The following KCNH7 variants were observed in gnomAD, a reference collection of about 807,000 sequenced individuals.
KCNH7 encodes the protein potassium voltage-gated channel subfamily H member 7.
KCNH7 carries 49 observed loss-of-function variants against 120.8 expected under a neutral mutation model. The ratio of observed to expected loss-of-function variants is 0.41; its 90% confidence interval spans 0.32 to 0.51. KCNH7 has a LOEUF of 0.51. KCNH7 is among the 20% of genes least tolerant of loss of function. The probability of loss-of-function intolerance (pLI) is 0.38; values close to 1 mark genes in which losing one functional copy is unlikely to be tolerated. For synonymous variants in KCNH7, 547 were observed against 516.1 expected, an observed-to-expected ratio of 1.06 and a Z score of -0.81; for missense variants, 1,097 against 1,446.6, an observed-to-expected ratio of 0.76 and a Z score of 3.92.
intron 2 of KCNH7, among the ~76,000 whole-genome samples, chr2:162,817,833 G>C (rs1247390686): frequency 6.6e-6 from 1 of 151,720 alleles, no homozygotes; most frequent in Non-Finnish European, 1.5e-5. Context: ...ATCTTTCCTT[G>C]GTGGAGTGTC....
intron 2 of KCNH7, among the ~76,000 whole-genome samples, chr2:162,793,533 A>G (rs1684032278): frequency 6.6e-6 from 1 of 152,094 alleles, no homozygotes; most frequent in African/African-American, 2.4e-5. Context: ...CCAAAGAGGT[A>G]AAAAGATCTA....
At chr2:162,441,999 C>CTT (rs779418084) in intron 7 of KCNH7, among the ~76,000 whole-genome samples, 4,307 of 41,302 alleles carry the variant, frequency 0.1, 1,812 homozygotes, top group Middle Eastern at 0.25. Context: ...GTTAGGTCTT[C>CTT]TTTTTTTTTT....
At chr2:162,706,047 G>A (rs1479417516) in intron 2 of KCNH7, among the ~76,000 whole-genome samples, 1 of 152,026 alleles carries the variant, frequency 6.6e-6, no homozygotes, top group African/African-American at 2.4e-5. Flanking sequence ...TGCCCACAGA[G>A]GTACACTTTC....
chr2:162,774,764 A>C (rs1387772687), intron 2 of KCNH7, among the ~76,000 whole-genome samples: 2 of 152,234 alleles, frequency 1.3e-5, no homozygotes, highest in Non-Finnish European at 2.9e-5. Flanking sequence ...CCACTGAAAT[A>C]ATGATTATAA....
At chr2:162,664,725 G>A (rs1482270076) in intron 2 of KCNH7, among the ~76,000 whole-genome samples, 1 of 152,076 alleles carries the variant, frequency 6.6e-6, no homozygotes, top group Non-Finnish European at 1.5e-5. Context: ...AGAAGTATTA[G>A]GTAGGGATGG....
intron 2 of KCNH7, among the ~76,000 whole-genome samples, chr2:162,604,675 A>G (rs573570709): frequency 6.6e-6 from 1 of 152,226 alleles, no homozygotes; most frequent in African/African-American, 2.4e-5. Flanking sequence ...GAAACAGAAG[A>G]GCTAATCTGG....
Position 162,371,852 on chromosome 2 carries a change from C to T in KCNH7, c.3568G>A (p.Asp1190Asn), listed in dbSNP as rs774496305. ...GATTATTTCCCTGGAAGACCAGGATCAGAAACATGCCTATGAAGACCCACG... is the reference window on the plus strand; with the variant it reads ...GATTATTTCCCTGGAAGACCAGGATTAGAAACATGCCTATGAAGACCCACG... The part of the protein sequence containing the change: ...GIVGLHRHVS[D>N]PGLPGK The change falls in exon 16 of 16, where the codon GAT becomes AAT. Residue 1190 changes from aspartate to asparagine, a missense_variant. By Grantham distance (23) the Asp-to-Asn change is conservative. Around this residue, in one of 8 missense-constraint regions of KCNH7, gnomAD observed 406 missense variants for 410.5 expected, o/e 0.99. Coordinates refer to ENST00000332142, the MANE Select transcript of KCNH7 (RefSeq NM_033272.4). The T allele has an allele frequency of 1.5e-5, 24 of 1,609,798 alleles. No individual in the cohort carries two copies. Among genetic ancestry groups the T allele is most frequent in the Non-Finnish European group, 1.9e-5 (22 of 1,176,498 alleles).
chr2:162,401,550 G>A (rs1687064123), intron 9 of KCNH7, among the ~76,000 whole-genome samples: 1 of 151,712 alleles, frequency 6.6e-6, no homozygotes, highest in Non-Finnish European at 1.5e-5. Context: ...GCTCACAGAG[G>A]AACTTCAAAT....
intron 10 of KCNH7, among the ~76,000 whole-genome samples, chr2:162,397,374 G>C (rs2105439042): frequency 6.6e-6 from 1 of 151,924 alleles, no homozygotes; most frequent in South Asian, 2.1e-4. Context: ...TCAGCAAGGG[G>C]TTGTGGTGGA....
intron 2 of KCNH7, among the ~76,000 whole-genome samples, chr2:162,826,630 T>C (rs916740148): frequency 2.0e-5 from 3 of 152,114 alleles, no homozygotes; most frequent in Non-Finnish European, 2.9e-5. Flanking sequence ...AAACACAAGA[T>C]GGTGAATGCA....
chr2:162,710,899 A>G (rs1686904556), intron 2 of KCNH7, among the ~76,000 whole-genome samples: 2 of 152,180 alleles, frequency 1.3e-5, no homozygotes, highest in African/African-American at 4.8e-5. Context: ...TTACAGTTCA[A>G]GCAGAACAGA....
chr2:162,643,528 G>A (rs762518720), intron 2 of KCNH7, among the ~76,000 whole-genome samples: 17 of 151,926 alleles, frequency 1.1e-4, no homozygotes, highest in South Asian at 2.1e-4. Context: ...ATGATTAACC[G>A]CCGGGCGAGG....
intron 2 of KCNH7, among the ~76,000 whole-genome samples, chr2:162,648,376 C>T (rs370178955): frequency 8.3e-4 from 127 of 152,200 alleles, no homozygotes; most frequent in Non-Finnish European, 1.2e-3. Flanking sequence ...AGGGGAAGTC[C>T]GCCCCCATGA....
intron 14 of KCNH7, among the ~76,000 whole-genome samples, chr2:162,373,934 T>C (rs894985888): frequency 1.3e-5 from 2 of 152,194 alleles, no homozygotes; most frequent in East Asian, 3.9e-4. Context: ...CTAACCTTCA[T>C]TGATTTCAAA....
In KCNH7 at chr2:162,517,745, G is replaced by A. The variant is rs767649578; in HGVS notation, c.877C>T (p.Arg293Ter). 6.4e-7 allele frequency: 1 copy of A among 1,553,478 alleles called. No homozygotes were observed. Among genetic ancestry groups the A allele is most frequent in the Non-Finnish European group, 8.8e-7 (1 of 1,142,612 alleles). The change falls in exon 4 of 16, where the codon CGA becomes TGA. Residue 293 changes from arginine to a stop codon, truncating the protein, a stop_gained. Transcript: ENST00000332142. LOFTEE classifies it high-confidence loss of function. The part of the protein sequence containing the change: ...GVHPKNIFRD[R>*]HASEDNGRNV... ...TCAAACATACCTTCGCTGGCATGTC[G>A]GTCTCTAAATATGTTCTTGGGGTGG... is the stretch of plus-strand genomic sequence containing the variant.
At chr2:162,724,488 A>C (rs10190764) in intron 2 of KCNH7, among the ~76,000 whole-genome samples, 47,911 of 149,548 alleles carry the variant, frequency 0.32, 12,713 homozygotes, top group African/African-American at 0.71. Flanking sequence ...CCGGCTAAAA[A>C]GGTGAAACCC....
Position 162,371,448 on chromosome 2 carries a change from A to G in KCNH7, c.*381T>C. 7.1e-6 allele frequency: 9 copies of G among 1,275,358 alleles called. No individual in the cohort carries two copies. The highest frequency in any genetic ancestry group is 7.1e-6 in the Non-Finnish European group (7 of 981,838). 79.0% of individuals were successfully genotyped at this position (1,275,358 alleles called of 1,614,324 possible). ...CTGAATTTGAGTTGCATCCATGAAC[A>G]GTTTTATCCCTTGGTTTCTTATTTG... On this transcript the variant is annotated 3_prime_UTR_variant, in exon 16 of 16. Transcript: ENST00000332142.
chr2:162,516,076 T>A (rs957965269), intron 4 of KCNH7, among the ~76,000 whole-genome samples: 2 of 151,738 alleles, frequency 1.3e-5, no homozygotes, highest in African/African-American at 2.4e-5. Context: ...CAACATCACA[T>A]GGTCTTCTCA....
chr2:162,821,498 C>A (rs1015251146), intron 2 of KCNH7, among the ~76,000 whole-genome samples: 1 of 152,178 alleles, frequency 6.6e-6, no homozygotes, highest in East Asian at 1.9e-4. Flanking sequence ...TTTAAACTCA[C>A]TGGTTTGGAA....
Sources: gnomAD v4.1 joint callset for allele counts (sites outside exome capture counted in the v4.1 genomes callset) on GRCh38, gnomAD v4.1.1 for gene constraint, gnomAD v4.1.1 regional missense constraint, MANE v1.5 for transcripts, NCBI Gene and HGNC (gene_info 2026-07-23, HGNC 2026-07-21) for gene names.